SKA3: variants seen among roughly 807,000 people sequenced by gnomAD.
SKA3 encodes spindle and kinetochore associated complex subunit 3.
Under a neutral mutation model 44.2 loss-of-function variants are expected in SKA3, and 39 were observed. The observed-to-expected ratio is 0.88, with a 90% CI of 0.68 to 1.15. SKA3 has a LOEUF of 1.15. Among genes scored for constraint, SKA3 ranks in the 50% most tolerant of loss-of-function variants. SKA3 has a pLI of 0.00. For synonymous variants in SKA3, 192 were observed against 172.0 expected (o/e 1.12, Z -0.91); for missense variants, 511 against 485.8 (o/e 1.05, Z -0.49).
At chr13:21,159,831 G>A in intron 6 of SKA3, 71 bp downstream of exon 6, 1 of 1,152,574 alleles carries the variant, frequency 8.7e-7, no homozygotes, top group Non-Finnish European at 1.2e-6. Flanking sequence ...CAGACTCTTT[G>A]AGCCTGCAAG....
intron 7 of SKA3, among the ~76,000 whole-genome samples, chr13:21,157,121 CTG>C (rs1870157605): frequency 1.3e-5 from 2 of 152,134 alleles, no homozygotes; most frequent in Non-Finnish European, 2.9e-5. Context: ...TTGCCAAACA[CTG>C]TAACTCCTAT....
At chr13:21,171,076 C>T (rs1456872571) in intron 3 of SKA3, among the ~76,000 whole-genome samples, 1 of 152,094 alleles carries the variant, frequency 6.6e-6, no homozygotes, top group Non-Finnish European at 1.5e-5. Flanking sequence ...TCCAAGTGTG[C>T]ACCACCATGC....
rs1373057507 is a variant in SKA3 at position 21,168,834 on chromosome 13, T to C, written c.332-435A>G. Among the ~76,000 whole-genome samples the C allele has an allele frequency of 7.2e-5, 11 of 152,168 alleles. No individual in the cohort carries two copies. The East Asian group carries it at 2.1e-3, about 29-fold the overall frequency. On this transcript the variant is annotated intron_variant, in intron 3 of 8. Coordinates refer to ENST00000314759, the MANE Select transcript of SKA3 (RefSeq NM_145061.6). ...TGAGCCACCACACTCAGCTGAAATG[T>C]TATTTCAATTGTCCCTTTAATAAAG...
intron 3 of SKA3, among the ~76,000 whole-genome samples, chr13:21,170,505 T>C (rs1045117853): frequency 6.6e-6 from 1 of 152,192 alleles, no homozygotes; most frequent in Admixed American, 6.5e-5. Flanking sequence ...TGTTTGTTTG[T>C]TTTGTTTTAA....
chr13:21,160,594 A>C (rs1287683301), intron 5 of SKA3, among the ~76,000 whole-genome samples: 1 of 152,142 alleles, frequency 6.6e-6, no homozygotes, highest in Non-Finnish European at 1.5e-5. Flanking sequence ...CAAGTACTGG[A>C]AAAGACGGAG....
intron 5 of SKA3, among the ~76,000 whole-genome samples, 200 bp from the exon 6 acceptor site, chr13:21,160,187 A>G (rs1337675056): frequency 6.6e-6 from 1 of 152,224 alleles, no homozygotes. Flanking sequence ...TACACATATA[A>G]TTTGAAAAAA....
At chr13:21,160,225 A>C (rs773719397) in intron 5 of SKA3, among the ~76,000 whole-genome samples, 1 of 152,236 alleles carries the variant, frequency 6.6e-6, no homozygotes, top group Non-Finnish European at 1.5e-5. Context: ...CAAGAAAGAC[A>C]AGATACCTAC....
intron 5 of SKA3, among the ~76,000 whole-genome samples, chr13:21,161,118 ACAAAAAATACAAAAATTAG>A (rs1870415165): frequency 6.6e-6 from 1 of 152,080 alleles, no homozygotes; most frequent in Non-Finnish European, 1.5e-5. Flanking sequence ...CCCCATCTAT[ACAAAAAATACAAAAATTAG>A]CTGGACGTCG....
intron 4 of SKA3, among the ~76,000 whole-genome samples, chr13:21,166,476 G>A (rs1411305001): frequency 1.3e-5 from 2 of 152,132 alleles, no homozygotes; most frequent in Admixed American, 6.6e-5. Flanking sequence ...GCTCACGCCT[G>A]TAAACCCAGC....
intron 1 of SKA3, among the ~76,000 whole-genome samples, chr13:21,175,986 T>C (rs1332611284): frequency 6.6e-6 from 1 of 152,198 alleles, no homozygotes. Context: ...AGCACACATA[T>C]TGTATGTGAC....
intron 4 of SKA3, among the ~76,000 whole-genome samples, chr13:21,164,021 C>T (rs1870576585): frequency 6.6e-6 from 1 of 151,880 alleles, no homozygotes. Context: ...ACCTTGGCCT[C>T]CCAAAGTGTT....
At chr13:21,167,739 C>T (rs1870789812) in intron 4 of SKA3, among the ~76,000 whole-genome samples, 1 of 150,168 alleles carries the variant, frequency 6.7e-6, no homozygotes, top group African/African-American at 2.5e-5. Flanking sequence ...TGCACTCCAG[C>T]CTGGGTGACA....
intron 4 of SKA3, among the ~76,000 whole-genome samples, chr13:21,162,817 G>C (rs762987526): frequency 6.6e-6 from 1 of 152,138 alleles, no homozygotes; most frequent in Non-Finnish European, 1.5e-5. Flanking sequence ...AAAGTGGGAG[G>C]ATCTCTTCAG....
chr13:21,171,090 G>C (rs1192186104), intron 3 of SKA3, among the ~76,000 whole-genome samples: 1 of 152,090 alleles, frequency 6.6e-6, no homozygotes, highest in Non-Finnish European at 1.5e-5. Context: ...ACCATGCCCA[G>C]CTAATTTTGT....
chr13:21,164,150 C>A (rs6490645), intron 4 of SKA3, among the ~76,000 whole-genome samples: 39 of 152,170 alleles, frequency 2.6e-4, no homozygotes, highest in Non-Finnish European at 3.7e-4. Flanking sequence ...TTTTTAAAAC[C>A]TGTTATGTAT....
chr13:21,174,498 G>A (rs1946769547), intron 1 of SKA3, among the ~76,000 whole-genome samples: 1 of 151,806 alleles, frequency 6.6e-6, no homozygotes, highest in South Asian at 2.1e-4. Context: ...ACCAAACACC[G>A]CATGTTCTCA....
intron 4 of SKA3, among the ~76,000 whole-genome samples, chr13:21,167,188 G>A (rs1171698511): frequency 6.6e-6 from 1 of 152,058 alleles, no homozygotes; most frequent in Non-Finnish European, 1.5e-5. Context: ...CATACTCCAG[G>A]TATTCTTTTC....
At chr13:21,167,210 T>C (rs944623525) in intron 4 of SKA3, among the ~76,000 whole-genome samples, 2 of 152,210 alleles carry the variant, frequency 1.3e-5, no homozygotes, top group African/African-American at 4.8e-5. Context: ...TGTTCTAACA[T>C]CATCCCAAGC....
At chr13:21,172,074 T>C (rs918957648) in intron 3 of SKA3, among the ~76,000 whole-genome samples, 36 of 152,370 alleles carry the variant, frequency 2.4e-4, no homozygotes, top group African/African-American at 8.2e-4. Context: ...ATAGGCCATC[T>C]AGCCTAAATG....
Sources: allele counts gnomAD v4.1 joint callset (sites outside exome capture counted in the v4.1 genomes callset), GRCh38; gene constraint gnomAD v4.1.1; transcripts MANE v1.5; gene names NCBI Gene and HGNC (gene_info 2026-07-23, HGNC 2026-07-21).